Variants in SHKBP1 observed in about 807,000 individuals in gnomAD.
SHKBP1 encodes the protein SH3KBP1-binding protein 1.
A neutral mutation model predicts 83.9 loss-of-function variants in SHKBP1; 71 were observed. That is an observed-to-expected ratio of 0.85 (90% CI 0.70 to 1.03). The LOEUF (loss-of-function observed/expected upper bound fraction) is 1.03. SHKBP1 is among the 50% of genes least tolerant of loss of function. The pLI is 0.00. For synonymous variants in SHKBP1, 371 were observed against 398.0 expected, an observed-to-expected ratio of 0.93 and a Z score of 0.81; for missense variants, 824 against 982.4, an observed-to-expected ratio of 0.84 and a Z score of 2.16.
At chr19:40,577,492 G>A in intron 3 of SHKBP1, 51 bp downstream of exon 3, 2 of 1,613,962 alleles carry the variant, frequency 1.2e-6, no homozygotes, top group Non-Finnish European at 1.7e-6. Context: ...TTGGTAGGAA[G>A]AGGGGCAGGA....
At chr19:40,586,349 G>C (rs1312733749) in intron 12 of SHKBP1, among the ~76,000 whole-genome samples, 1 of 150,482 alleles carries the variant, frequency 6.6e-6, no homozygotes, top group African/African-American at 2.5e-5. Context: ...TCTCTGTTCT[G>C]TGTCTCTTTC....
chr19:40,588,070 A>T (rs555540280), intron 13 of SHKBP1, among the ~76,000 whole-genome samples: 66 of 152,290 alleles, frequency 4.3e-4, no homozygotes, highest in African/African-American at 1.5e-3. Context: ...AGCAGTGCAG[A>T]TTGGTAGGGA....
chr19:40,578,789 G>A (rs921618597), intron 6 of SHKBP1, among the ~76,000 whole-genome samples: 14 of 152,228 alleles, frequency 9.2e-5, no homozygotes, highest in African/African-American at 3.4e-4. Context: ...TGTAGTCCGG[G>A]TTTGGTTTCT....
intron 14 of SHKBP1, 54 bp from the exon 15 acceptor site, chr19:40,589,028 T>G: frequency 6.4e-7 from 1 of 1,562,242 alleles, no homozygotes; most frequent in Admixed American, 1.7e-5. Context: ...GGGAAGGAAG[T>G]CTGAGGCTGA....
At chr19:40,578,674 C>A in intron 6 of SHKBP1, 132 bp downstream of exon 6, 1 of 776,764 alleles carries the variant, frequency 1.3e-6, no homozygotes, top group Non-Finnish European at 2.2e-6. Flanking sequence ...CTATCAGATG[C>A]TTGGGCTGAT....
At chr19:40,577,334 G>A (rs2081224554) in intron 2 of SHKBP1, 50 bp downstream of exon 2, 1 of 1,613,746 alleles carries the variant, frequency 6.2e-7, no homozygotes, top group East Asian at 2.2e-5. Context: ...TGGAGAGGGC[G>A]TGGGAGACCT....
At position 40,577,406 on chromosome 19, in the gene SHKBP1, G is replaced by T; in HGVS notation, c.151G>T (p.Gly51Ter). The change falls in exon 3 of 18, where the codon GGA (glycine) becomes TGA (stop). Residue 51 changes from glycine to a stop codon, truncating the protein, a stop_gained. Transcript: ENST00000291842. LOFTEE classifies it high-confidence loss of function. ...PDSFFSSLLS[G>*]RISTLKDETG... ...GTCCCTTCCCTGCAGTCTTCTGAGC[G>T]GACGCATCTCGACGCTGAAAGATGA... The T allele has an allele frequency of 2.5e-6, 4 of 1,614,000 alleles. No individual in the cohort carries two copies. Among genetic ancestry groups the T allele is most frequent in the Non-Finnish European group, 3.4e-6 (4 of 1,179,998 alleles).
At position 40,577,411 on chromosome 19, in the gene SHKBP1, C is replaced by T. The variant is rs766957662; in HGVS notation, c.156C>T (p.Arg52=). Residue 52 remains arginine (R), a synonymous_variant, in exon 3 of 18, where the codon CGC becomes CGT. Coordinates refer to ENST00000291842, the MANE Select transcript of SHKBP1 (RefSeq NM_138392.4). ...TTCCCTGCAGTCTTCTGAGCGGACG[C>T]ATCTCGACGCTGAAAGATGAGACCG... ...DSFFSSLLSG[R]ISTLKDETGA... 6.2e-7 allele frequency: 1 copy of T among 1,611,608 alleles called. No individual in the cohort carries two copies. The highest frequency in any genetic ancestry group is 8.5e-7 in the Non-Finnish European group (1 of 1,178,646).
chr19:40,586,676 T>C, intron 12 of SHKBP1, 98 bp from the exon 13 acceptor site: 1 of 1,248,228 alleles, frequency 8.0e-7, no homozygotes, highest in Non-Finnish European at 1.1e-6. Context: ...TCTCCTTGCT[T>C]TCTGACTGTG....
Position 40,589,186 on chromosome 19 carries a change from C to T in SHKBP1, c.1589+8C>T, listed in dbSNP as rs761127910. On this transcript the variant is annotated splice_region_variant and intron_variant, in intron 15 of 17. Transcript: ENST00000291842. ...CTCATCTACTGGGCAGCGGTGAGGA[C>T]AGTCCTGTCCAACAGGGAGGGAGGA... 2.5e-5 allele frequency: 15 copies of T among 590,808 alleles called. No individual in the cohort carries two copies. Among genetic ancestry groups the T allele is most frequent in the Non-Finnish European group, 3.0e-5 (14 of 459,472 alleles). The allele number at this position is 590,808 out of a possible 1,614,324, so 36.6% of individuals were successfully genotyped here.
intron 12 of SHKBP1, among the ~76,000 whole-genome samples, 176 bp downstream of exon 12, chr19:40,583,893 T>C (rs1032338158): frequency 4.6e-5 from 7 of 152,102 alleles, no homozygotes; most frequent in South Asian, 4.2e-4. Flanking sequence ...CAGGCTGGAG[T>C]GCAGTGGTGC....
chr19:40,584,909 T>C (rs78614258), intron 12 of SHKBP1, among the ~76,000 whole-genome samples: 1,946 of 152,322 alleles, frequency 0.013, 18 homozygotes, highest in Middle Eastern at 0.048. Flanking sequence ...CATTATATGG[T>C]CTTTTGTGTC....
chr19:40,578,273 C>T, intron 5 of SHKBP1, 61 bp downstream of exon 5: 2 of 1,549,330 alleles, frequency 1.3e-6, no homozygotes, highest in South Asian at 1.1e-5. Flanking sequence ...GTGATGCTAC[C>T]TGCCCCTCTT....
At chr19:40,586,535 T>C (rs941897834) in intron 12 of SHKBP1, among the ~76,000 whole-genome samples, 5 of 152,042 alleles carry the variant, frequency 3.3e-5, no homozygotes, top group Non-Finnish European at 7.4e-5. Context: ...ACCAGCTAAT[T>C]TTTGTATTTT....
At position 40,587,032 on chromosome 19, in the gene SHKBP1, G is replaced by A. The variant is rs1200688608; in HGVS notation, c.1336+88G>A. The A allele has an allele frequency of 2.4e-6, 3 of 1,276,264 alleles. No individual in the cohort carries two copies. The African/African-American group carries it at 4.4e-5, about 19-fold the overall frequency. 79.1% of individuals were successfully genotyped at this position (1,276,264 alleles called of 1,614,324 possible). On this transcript the variant is annotated intron_variant, in intron 13 of 17. Coordinates refer to ENST00000291842, the MANE Select transcript of SHKBP1 (RefSeq NM_138392.4). Reference sequence around the variant, plus strand: ...GAGGATGAGAATTTCCACTGGGGAGGGACATTGTGTAGGAAGAGAGCTCTG... The same window carrying A: ...GAGGATGAGAATTTCCACTGGGGAGAGACATTGTGTAGGAAGAGAGCTCTG...
Position 40,580,789 on chromosome 19 carries a change from C to T in SHKBP1, c.697C>T (p.Arg233Cys), listed in dbSNP as rs761357091. Residue 233 changes from arginine (R) to cysteine (C), a missense_variant, in exon 9 of 18, where the codon CGC becomes TGC. Physicochemically the swap from Arg to Cys is radical, Grantham distance 180 (BLOSUM62 -3). Transcript: ENST00000291842. The stretch of plus-strand genomic sequence containing the variant: ...CTGGCAGCTGGTGTTTTCCAGCCCC[C>T]GCCTGGACTGGCCCATCGAACGACT... ...SGWQLVFSSP[R>C]LDWPIERLAL... The T allele has an allele frequency of 1.9e-5, 31 of 1,611,758 alleles. No homozygotes were observed. In the Middle Eastern group the frequency reaches 4.9e-4, roughly 26 times the overall value.
chr19:40,578,702 G>T (rs142404127), intron 6 of SHKBP1, among the ~76,000 whole-genome samples, 160 bp downstream of exon 6: 1 of 152,220 alleles, frequency 6.6e-6, no homozygotes, highest in Non-Finnish European at 1.5e-5. Context: ...AAGGAAGTTG[G>T]ACACAGCATT....
intron 12 of SHKBP1, chr19:40,585,579 G>A (rs2081305661): frequency 1.6e-5 from 2 of 123,570 alleles, no homozygotes; most frequent in South Asian, 4.8e-4. Flanking sequence ...GTATCGCTCT[G>A]TCATTCAACC....
At chr19:40,578,068 C>A in intron 4 of SHKBP1, 86 bp from the exon 5 acceptor site, 2 of 1,081,340 alleles carry the variant, frequency 1.8e-6, no homozygotes, top group Non-Finnish European at 2.9e-6. Flanking sequence ...TTGACATTCT[C>A]TGTGCAGTTT....
Sources: allele counts gnomAD v4.1 joint callset (sites outside exome capture counted in the v4.1 genomes callset), GRCh38; gene constraint gnomAD v4.1.1; transcripts MANE v1.5; gene names NCBI Gene and HGNC (gene_info 2026-07-23, HGNC 2026-07-21).